ENTPD7: variants seen among roughly 807,000 people sequenced by gnomAD.
The protein encoded by ENTPD7 is NTPDase 7.
A neutral mutation model predicts 77.9 loss-of-function variants in ENTPD7; 53 were observed. The ratio of observed to expected loss-of-function variants is 0.68; its 90% CI spans 0.55 to 0.85. ENTPD7 has a LOEUF of 0.85. Among genes scored for constraint, ENTPD7 ranks in the 40% least tolerant of loss-of-function variants. The probability of loss-of-function intolerance (pLI) is 0.00; values close to 1 mark genes in which losing one functional copy is unlikely to be tolerated. For synonymous variants in ENTPD7, 248 were observed against 274.9 expected (o/e 0.90, Z 0.97); for missense variants, 636 against 743.7 (o/e 0.86, Z 1.68).
intron 3 of ENTPD7, among the ~76,000 whole-genome samples, chr10:99,675,987 C>A (rs1387487231): frequency 6.6e-6 from 1 of 152,126 alleles, no homozygotes; most frequent in Non-Finnish European, 1.5e-5. Context: ...GTTTAATACT[C>A]CTCCTGTTTC....
At chr10:99,700,076 A>G (rs2036080344) in intron 10 of ENTPD7, among the ~76,000 whole-genome samples, 1 of 152,168 alleles carries the variant, frequency 6.6e-6, no homozygotes. Context: ...TCCAGCCTCC[A>G]GGACGACCTT....
At chr10:99,663,853 C>T (rs1305934102) in intron 3 of ENTPD7, among the ~76,000 whole-genome samples, 1 of 152,142 alleles carries the variant, frequency 6.6e-6, no homozygotes, top group Non-Finnish European at 1.5e-5. Flanking sequence ...ATTACTTCTT[C>T]AGATTTTTGT....
At chr10:99,669,499 G>A (rs572490990) in intron 3 of ENTPD7, among the ~76,000 whole-genome samples, 2 of 152,154 alleles carry the variant, frequency 1.3e-5, no homozygotes, top group South Asian at 4.1e-4. Context: ...TCTGGAAAGA[G>A]AGAGTAGGAA....
intron 2 of ENTPD7, chr10:99,660,541 C>CAA (rs2035468235): frequency 5.8e-6 from 2 of 346,936 alleles, no homozygotes; most frequent in South Asian, 4.3e-5. Flanking sequence ...CACACACACA[C>CAA]ACACACACAC....
chr10:99,664,173 G>C (rs970327116), intron 3 of ENTPD7, among the ~76,000 whole-genome samples: 11 of 151,890 alleles, frequency 7.2e-5, no homozygotes, highest in African/African-American at 2.7e-4. Context: ...GATTCATTTT[G>C]CTATTTTTTT....
At chr10:99,699,722 G>C (rs370894908) in intron 10 of ENTPD7, among the ~76,000 whole-genome samples, 1 of 152,090 alleles carries the variant, frequency 6.6e-6, no homozygotes, top group Non-Finnish European at 1.5e-5. Context: ...CCACCACCAT[G>C]CCTGGCTAAT....
chr10:99,678,313 A>G (rs2035710022), intron 3 of ENTPD7, among the ~76,000 whole-genome samples: 1 of 151,366 alleles, frequency 6.6e-6, no homozygotes, highest in African/African-American at 2.4e-5. Context: ...CTAAAAATAC[A>G]AAAAATTAGC....
chr10:99,660,088 G>A, intron 2 of ENTPD7, 124 bp downstream of exon 2: 1 of 1,443,132 alleles, frequency 6.9e-7, no homozygotes, highest in Non-Finnish European at 9.6e-7. Context: ...TTGTATTCTG[G>A]TTAGTTGGAT....
At chr10:99,660,552 AC>A in intron 2 of ENTPD7, 1 of 350,964 alleles carries the variant, frequency 2.8e-6, no homozygotes, top group Non-Finnish European at 5.7e-6. Flanking sequence ...ACACACACAC[AC>A]ACACACACAG....
chr10:99,669,754 T>TG (rs1590038912), intron 3 of ENTPD7, among the ~76,000 whole-genome samples: 1 of 129,960 alleles, frequency 7.7e-6, no homozygotes, highest in Non-Finnish European at 1.6e-5. Context: ...TTTTTTTTTT[T>TG]TTTTTTTTTT....
At chr10:99,672,744 C>T (rs1217870102) in intron 3 of ENTPD7, among the ~76,000 whole-genome samples, 1 of 152,190 alleles carries the variant, frequency 6.6e-6, no homozygotes, top group East Asian at 1.9e-4. Context: ...ATCAGTCATG[C>T]ACAGCTACTT....
At chr10:99,693,074 T>C (rs2035910503) in intron 8 of ENTPD7, among the ~76,000 whole-genome samples, 1 of 151,956 alleles carries the variant, frequency 6.6e-6, no homozygotes, top group Admixed American at 6.6e-5. Flanking sequence ...GAGCGATTGA[T>C]TGTGGTAGTG....
At position 99,679,443 on chromosome 10, in the gene ENTPD7, C is replaced by G. The variant is rs2035724325; in HGVS notation, c.374C>G (p.Pro125Arg). The change falls in exon 4 of 13, where the codon CCA becomes CGA. Residue 125 changes from proline (P) to arginine (R), a missense_variant. By Grantham distance (103) the Pro-to-Arg change is moderately radical. This residue lies in a region of ENTPD7 where 486 missense variants were observed against 556.5 expected (regional missense o/e 0.87). Coordinates refer to ENST00000370489, the MANE Select transcript of ENTPD7 (RefSeq NM_020354.5). Reference protein sequence around the residue: ...IKQMRDRNSQPVVKKIKPGIS... With the variant: ...IKQMRDRNSQRVVKKIKPGIS... The stretch of plus-strand genomic sequence containing the variant: ...CAGATGAGAGACCGCAACAGCCAAC[C>G]AGTGGTTAAAAAAATCAAGCCAGGT... The G allele has an allele frequency of 1.2e-6, 2 of 1,612,848 alleles. No individual in the cohort carries two copies. Among genetic ancestry groups the G allele is most frequent in the Admixed American group, 1.7e-5 (1 of 59,684 alleles).
intron 9 of ENTPD7, among the ~76,000 whole-genome samples, chr10:99,697,027 C>T (rs2035997099): frequency 2.0e-5 from 3 of 152,272 alleles, no homozygotes; most frequent in Admixed American, 6.5e-5. Flanking sequence ...CATTTAGCTA[C>T]GAACACTAGC....
At chr10:99,695,935 T>C in intron 8 of ENTPD7, 21 bp from the exon 9 acceptor site, 4 of 1,575,436 alleles carry the variant, frequency 2.5e-6, no homozygotes, top group Non-Finnish European at 3.4e-6. Context: ...ATTCCCTTTT[T>C]CTCTTGGTAT....
intron 3 of ENTPD7, among the ~76,000 whole-genome samples, chr10:99,662,177 T>C (rs2035495577): frequency 6.6e-6 from 1 of 152,238 alleles, no homozygotes; most frequent in Non-Finnish European, 1.5e-5. Flanking sequence ...TTATATTTAA[T>C]CTGATTATTT....
chr10:99,660,439 G>T, intron 2 of ENTPD7: 1 of 999,890 alleles, frequency 1.0e-6, no homozygotes, highest in South Asian at 1.4e-5. Flanking sequence ...GCACCAATAA[G>T]GGAAAGTTAT....
At chr10:99,694,582 G>T (rs866405007) in intron 8 of ENTPD7, among the ~76,000 whole-genome samples, 24 of 149,354 alleles carry the variant, frequency 1.6e-4, no homozygotes, top group African/African-American at 5.2e-4. Context: ...TGTCACTCAG[G>T]CTGGAGTGCC....
Position 99,661,512 on chromosome 10 carries a change from C to T in ENTPD7, c.75C>T (p.Leu25=). The change falls in exon 3 of 13, where the codon CTC becomes CTT. Residue 25 remains leucine, a synonymous_variant. Transcript: ENST00000370489. ...YFTVPTVSPF[L]RQRVAFLGLF... The stretch of plus-strand genomic sequence containing the variant: ...CTGTGCCCACAGTGAGTCCATTTCT[C>T]CGTCAGCGGGTGGCATTCCTGGGAC... The T allele has an allele frequency of 6.2e-7, 1 of 1,614,022 alleles. No individual in the cohort carries two copies. The highest frequency in any genetic ancestry group is 8.5e-7 in the Non-Finnish European group (1 of 1,179,994).
Sources: gnomAD v4.1 joint callset for allele counts (sites outside exome capture counted in the v4.1 genomes callset) on GRCh38, gnomAD v4.1.1 for gene constraint, gnomAD v4.1.1 regional missense constraint, MANE v1.5 for transcripts, NCBI Gene and HGNC (gene_info 2026-07-23, HGNC 2026-07-21) for gene names.